LRP1: variants seen among roughly 807,000 people sequenced by gnomAD.
The protein encoded by LRP1 is prolow-density lipoprotein receptor-related protein 1.
LRP1 carries 51 observed loss-of-function variants against 541.5 expected under a neutral mutation model. That is an observed-to-expected ratio of 0.09 (90% CI 0.08 to 0.12). The LOEUF is 0.12. Among genes scored for constraint, LRP1 ranks in the 10% least tolerant of loss-of-function variants. LRP1 has a pLI of 1.00. For missense variants in LRP1, 3,878 were observed against 6,376.2 expected, an observed-to-expected ratio of 0.61 and a Z score of 13.34; for synonymous variants, 2,219 against 2,470.8, an observed-to-expected ratio of 0.90 and a Z score of 3.02.
chr12:57,138,652 A>C, intron 2 of LRP1, 71 bp downstream of exon 2: 1 of 1,587,720 alleles, frequency 6.3e-7, no homozygotes, highest in Middle Eastern at 1.7e-4. Context: ...GATGTTTGGG[A>C]GGAGGACAGC....
Position 57,209,211 on chromosome 12 carries a change from G to T in LRP1, c.12262+12G>T. 6.2e-7 allele frequency: 1 copy of T among 1,606,752 alleles called. No individual in the cohort carries two copies. ...TGACAGCAAACGAGGTCAGAGCCCG[G>T]CATAAGTCGCAGTCCCCAGCCCTGT... On this transcript the variant is annotated intron_variant, in intron 79 of 88. Transcript: ENST00000243077.
chr12:57,156,686 C>A lies in LRP1; in HGVS notation c.1418-91C>A. ...GGGATAGCAAGCACAAAGACCACAG[C>A]AGCAGGGGGTGTGGTCAGATTCAGG... On this transcript the variant is annotated intron_variant, in intron 9 of 88. Coordinates refer to ENST00000243077, the MANE Select transcript of LRP1 (RefSeq NM_002332.3). The surrounding 1 kb of genome is among the most constrained non-coding windows in gnomAD (Gnocchi z 5.2). 6 of 1,398,216 alleles carry A rather than the reference C, an allele frequency of 4.3e-6. No individual in the cohort carries two copies. The highest frequency in any genetic ancestry group is 4.2e-5 in the South Asian group (3 of 71,248). The allele number at this position is 1,398,216 out of a possible 1,614,324, so 86.6% of individuals were successfully genotyped here.
rs1306434164 is a variant in LRP1, at chr12:57,166,950, C to G, written c.2818C>G (p.Gln940Glu). Residue 940 changes from glutamine to glutamate, a missense_variant, in exon 18 of 89, where the codon CAG becomes GAG. Gln to Glu is a conservative substitution (Grantham distance 29). This residue lies in a region of LRP1 where 29 missense variants were observed against 20.7 expected (regional missense o/e 1.40). Transcript: ENST00000243077. ...CCCAGCCCGCACCTGCCCCCCCAAC[C>G]AGTTCTCCTGTGCCAGTGGCCGCTG... ...TCSARTCPPN[Q>E]FSCASGRCIP... is the part of the protein sequence containing the mutation. 6.2e-7 allele frequency: 1 copy of G among 1,613,792 alleles called. No homozygotes were observed. The highest frequency in any genetic ancestry group is 2.2e-5 in the East Asian group (1 of 44,896).
Position 57,211,435 on chromosome 12 carries a change from CCCAGGCACGCCTCTG to C in LRP1, c.13092-47_13092-33del. On this transcript the variant is annotated intron_variant, in intron 84 of 88. Coordinates refer to ENST00000243077, the MANE Select transcript of LRP1 (RefSeq NM_002332.3). The surrounding 1 kb of genome is among the most constrained non-coding windows in gnomAD (Gnocchi z 4.3). ...GCCCTGCCCCTCCCTTCCTCAGCAT[CCCAGGCACGCCTCTG>C]CCAGCCCCAGCCCCAGCCTCTGATT... 6.2e-7 allele frequency: 1 copy of C among 1,609,538 alleles called. No homozygotes were observed. Among genetic ancestry groups the C allele is most frequent in the Non-Finnish European group, 8.5e-7 (1 of 1,178,068 alleles).
rs77925651 is a variant in LRP1, at chr12:57,192,659, C to G, written c.7430-186C>G. Among the ~76,000 whole-genome samples, 292 of 152,350 alleles carry G rather than the reference C, an allele frequency of 1.9e-3. 6 individuals carry two copies. In the East Asian group the frequency reaches 0.049, roughly 25 times the overall value. ...CTCAACGGCACACCTGCCGAAAACCCCATGCACCTGGCCCTCCCACAGCAG... is the reference window on the plus strand; with the variant it reads ...CTCAACGGCACACCTGCCGAAAACCGCATGCACCTGGCCCTCCCACAGCAG... On this transcript the variant is annotated intron_variant, in intron 44 of 88. Transcript: ENST00000243077.
rs955642940 is a variant in LRP1, at chr12:57,162,253, A to T, written c.2203-64A>T. On this transcript the variant is annotated intron_variant, in intron 13 of 88. Transcript: ENST00000243077. The surrounding 1 kb of genome is among the most constrained non-coding windows in gnomAD (Gnocchi z 5.2). ...ACATAGACAAATGAATGTACAAAACAGTGATCTCACAGGCCTCCCTCAATT... is the reference window on the plus strand; with the variant it reads ...ACATAGACAAATGAATGTACAAAACTGTGATCTCACAGGCCTCCCTCAATT... 3 of 1,330,322 alleles carry T rather than the reference A, an allele frequency of 2.3e-6. No individual in the cohort carries two copies. The highest frequency in any genetic ancestry group is 3.2e-6 in the Non-Finnish European group (3 of 924,052). The allele number at this position is 1,330,322 out of a possible 1,614,324, so 82.4% of individuals were successfully genotyped here. A position where few individuals can be genotyped will look rare whatever the true frequency, so the allele number is the denominator to read the frequency against.
At chr12:57,133,525 T>A (rs1458342691) in intron 1 of LRP1, among the ~76,000 whole-genome samples, 1 of 151,916 alleles carries the variant, frequency 6.6e-6, no homozygotes. Context: ...ATACAAAAAA[T>A]TCAGTGAAAA....
intron 22 of LRP1, among the ~76,000 whole-genome samples, chr12:57,174,502 C>T (rs1264300899): frequency 2.6e-5 from 4 of 152,154 alleles, no homozygotes; most frequent in Admixed American, 1.3e-4. Flanking sequence ...GGGGCAGGCG[C>T]GGTGGCTCAC....
chr12:57,189,697 G>A lies in LRP1; in HGVS notation c.7032-1108G>A, dbSNP rs1456962844. 6.6e-6 allele frequency among the ~76,000 whole-genome samples: 1 copy of A among 152,042 alleles called. No homozygotes were observed. Among genetic ancestry groups the A allele is most frequent in the African/African-American group, 2.4e-5 (1 of 41,368 alleles). ...GCCAGAATGGTGAGGGGCAGAGGTA[G>A]GAGGAGGCCAGAGGCACTGGGGTGG... On this transcript the variant is annotated intron_variant, in intron 42 of 88. Coordinates refer to ENST00000243077, the MANE Select transcript of LRP1 (RefSeq NM_002332.3). The surrounding 1 kb of genome is among the most constrained non-coding windows in gnomAD (Gnocchi z 4.4).
At chr12:57,147,031 C>T (rs2035423609) in intron 6 of LRP1, among the ~76,000 whole-genome samples, 1 of 152,108 alleles carries the variant, frequency 6.6e-6, no homozygotes, top group Non-Finnish European at 1.5e-5. Flanking sequence ...GGCCTCATCT[C>T]CTTATCTGAC....
chr12:57,196,929 TG>T, intron 55 of LRP1, 52 bp from the exon 56 acceptor site: 1 of 1,492,378 alleles, frequency 6.7e-7, no homozygotes, highest in Non-Finnish European at 9.1e-7. Context: ...GTCTCCAGGG[TG>T]GGAGGCCCAG....
In LRP1 at chr12:57,205,257, C is replaced by G. The variant is rs1177984382; in HGVS notation, c.11335+8C>G. 6.2e-7 allele frequency: 1 copy of G among 1,607,398 alleles called. No individual in the cohort carries two copies. ...AGGAGGACTGCAGCATCGGTGAGGC[C>G]CGGCAGCGGACCGGACGCTGGTGGG... On this transcript the variant is annotated splice_region_variant and intron_variant, in intron 73 of 88. Transcript: ENST00000243077. This position sits in a 1 kb window ranked among gnomAD's most constrained non-coding sequence, Gnocchi z 4.6.
intron 2 of LRP1, among the ~76,000 whole-genome samples, chr12:57,139,244 G>A (rs918473823): frequency 6.6e-6 from 1 of 152,000 alleles, no homozygotes; most frequent in Non-Finnish European, 1.5e-5. Flanking sequence ...GGGTCAAAGC[G>A]CCCCTGCATT....
intron 6 of LRP1, among the ~76,000 whole-genome samples, chr12:57,153,769 A>G (rs530991148): frequency 4.7e-4 from 72 of 152,294 alleles, no homozygotes; most frequent in African/African-American, 1.7e-3. Flanking sequence ...AATTTATGCC[A>G]TATGTCCAGC....
rs558755045 is a variant in LRP1 at position 57,197,724 on chromosome 12, C to T, written c.9282+60C>T. The T allele has an allele frequency of 4.5e-5, 71 of 1,590,644 alleles. No individual in the cohort carries two copies. In the South Asian group the frequency reaches 6.2e-4, roughly 14 times the overall value. On this transcript the variant is annotated intron_variant, in intron 58 of 88. Coordinates refer to ENST00000243077, the MANE Select transcript of LRP1 (RefSeq NM_002332.3). The surrounding 1 kb of genome is among the most constrained non-coding windows in gnomAD (Gnocchi z 4.5). ...CCGCCTCAGATGACTGTTTTCAGAT[C>T]GTCTCTCCTTCCCGCCCCACCAACC...
chr12:57,182,709 G>A (rs35820631), intron 34 of LRP1, among the ~76,000 whole-genome samples: 7,453 of 151,784 alleles, frequency 0.049, 273 homozygotes, highest in East Asian at 0.22. Flanking sequence ...CCAGCTACTC[G>A]GAAGGCTGAG....
At chr12:57,149,848 C>T (rs1421538797) in intron 6 of LRP1, 8 of 679,710 alleles carry the variant, frequency 1.2e-5, no homozygotes, top group Non-Finnish European at 1.6e-5. Context: ...CTCCTTCCCA[C>T]CTTCGAAGTC....
chr12:57,157,812 A>G (rs986132617), intron 10 of LRP1, among the ~76,000 whole-genome samples: 23 of 152,234 alleles, frequency 1.5e-4, no homozygotes, highest in African/African-American at 5.3e-4. Context: ...GTGGCAAGCC[A>G]GAGGAACAGC....
rs901972670 is a variant in LRP1 at position 57,179,970 on chromosome 12, C to T, written c.5141+14C>T. ...CCCTCTGCGTGGGTCAGTCTAGGGCCCAGGGCCGGGGAGCATGGGGTGTGG... is the reference window on the plus strand; with the variant it reads ...CCCTCTGCGTGGGTCAGTCTAGGGCTCAGGGCCGGGGAGCATGGGGTGTGG... On this transcript the variant is annotated intron_variant, in intron 30 of 88. Transcript: ENST00000243077. This position sits in a 1 kb window ranked among gnomAD's most constrained non-coding sequence, Gnocchi z 6.8. 1.2e-6 allele frequency: 2 copies of T among 1,613,810 alleles called. No homozygotes were observed. The highest frequency in any genetic ancestry group is 3.3e-5 in the Admixed American group (2 of 59,998).
Sources: gnomAD v4.1 joint callset for allele counts (sites outside exome capture counted in the v4.1 genomes callset) on GRCh38, gnomAD v4.1.1 for gene constraint, gnomAD v4.1.1 regional missense constraint, Gnocchi (gnomAD v3.1) non-coding constraint, MANE v1.5 for transcripts, NCBI Gene and HGNC (gene_info 2026-07-23, HGNC 2026-07-21) for gene names.